Variants in TAFA5 observed in about 807,000 individuals in gnomAD.
TAFA5 encodes the protein chemokine-like protein TAFA-5.
Under a neutral mutation model 15.3 loss-of-function variants are expected in TAFA5, and 6 were observed. The ratio of observed to expected loss-of-function variants is 0.39; its 90% CI spans 0.21 to 0.77. TAFA5 has a LOEUF of 0.77. TAFA5 is among the 30% of genes least tolerant of loss of function. The pLI, the probability that TAFA5 is intolerant of heterozygous loss-of-function variation, is 0.41. For missense variants in TAFA5, 161 were observed against 193.1 expected (o/e 0.83, Z 0.98); for synonymous variants, 103 against 80.7 (o/e 1.28, Z -1.48).
chr22:48,618,503 G>A (rs1317101563), intron 1 of TAFA5, among the ~76,000 whole-genome samples: 1 of 152,228 alleles, frequency 6.6e-6, no homozygotes, highest in Non-Finnish European at 1.5e-5. Context: ...TTGGGTAACG[G>A]ATTGGCGTTG....
intron 1 of TAFA5, among the ~76,000 whole-genome samples, chr22:48,562,466 G>C (rs1923269880): frequency 6.6e-6 from 1 of 152,218 alleles, no homozygotes; most frequent in Admixed American, 6.5e-5. Flanking sequence ...AAATGGGAAG[G>C]GGGCACAGGA....
chr22:48,662,404 CAGGG>C (rs1448828967), intron 2 of TAFA5, among the ~76,000 whole-genome samples: 2 of 152,178 alleles, frequency 1.3e-5, no homozygotes, highest in Admixed American at 6.5e-5. Flanking sequence ...ACCATAAGTT[CAGGG>C]CAGCAAGAGG....
At chr22:48,536,332 G>A (rs904706532) in intron 1 of TAFA5, among the ~76,000 whole-genome samples, 4 of 152,206 alleles carry the variant, frequency 2.6e-5, no homozygotes, top group Non-Finnish European at 2.9e-5. Context: ...TCGGCAAGCC[G>A]GGAAACAAGT....
chr22:48,561,034 T>A (rs1923212687), intron 1 of TAFA5, among the ~76,000 whole-genome samples: 1 of 152,254 alleles, frequency 6.6e-6, no homozygotes, highest in Non-Finnish European at 1.5e-5. Flanking sequence ...TTTGTCTGGG[T>A]CTGGCTGTGG....
chr22:48,662,488 G>T (rs1352546022), intron 2 of TAFA5, among the ~76,000 whole-genome samples: 9 of 79,114 alleles, frequency 1.1e-4, no homozygotes, highest in Admixed American at 8.0e-4. Flanking sequence ...TGTGATGGGG[G>T]TGATTCAAGG....
chr22:48,495,416 C>T (rs1928291262), intron 1 of TAFA5, among the ~76,000 whole-genome samples: 2 of 152,240 alleles, frequency 1.3e-5, no homozygotes, highest in East Asian at 3.9e-4. Context: ...GGGCTAGGCC[C>T]CTGTGTTCTG....
intron 1 of TAFA5, among the ~76,000 whole-genome samples, chr22:48,581,373 T>C (rs1208667510): frequency 1.3e-5 from 2 of 152,186 alleles, no homozygotes; most frequent in Admixed American, 6.5e-5. Context: ...CTCGGGAGGA[T>C]TGGATTGCGG....
chr22:48,712,428 A>T (rs1929281250), intron 3 of TAFA5, among the ~76,000 whole-genome samples: 1 of 152,220 alleles, frequency 6.6e-6, no homozygotes, highest in East Asian at 1.9e-4. Flanking sequence ...ATAGATCATG[A>T]CCAGCATTTA....
At chr22:48,492,809 G>A (rs561199250) in intron 1 of TAFA5, among the ~76,000 whole-genome samples, 31 of 152,348 alleles carry the variant, frequency 2.0e-4, no homozygotes, top group South Asian at 1.0e-3. Flanking sequence ...TGACTTGCAT[G>A]ATGATGAGCT....
At chr22:48,704,659 G>GA (rs1466713299) in intron 2 of TAFA5, among the ~76,000 whole-genome samples, 1 of 151,912 alleles carries the variant, frequency 6.6e-6, no homozygotes, top group Non-Finnish European at 1.5e-5. Context: ...TAGTGGCAAG[G>GA]AGCACAGTTG....
intron 1 of TAFA5, among the ~76,000 whole-genome samples, chr22:48,542,727 G>A (rs1232762547): frequency 6.8e-6 from 1 of 147,590 alleles, no homozygotes; most frequent in East Asian, 2.0e-4. Context: ...TGTGTGTGTG[G>A]TGTGTATAGT....
intron 1 of TAFA5, among the ~76,000 whole-genome samples, chr22:48,585,916 G>A (rs554491801): frequency 6.2e-4 from 95 of 152,050 alleles, no homozygotes; most frequent in Non-Finnish European, 5.9e-5. Context: ...ATAAACACAC[G>A]TTACACCCAT....
intron 1 of TAFA5, among the ~76,000 whole-genome samples, chr22:48,575,252 A>T (rs1422673705): frequency 6.6e-6 from 1 of 151,994 alleles, no homozygotes; most frequent in African/African-American, 2.4e-5. Context: ...ACCTAGGTGG[A>T]GCCCGACCCG....
chr22:48,569,039 G>T (rs956006486), intron 1 of TAFA5, among the ~76,000 whole-genome samples: 3 of 152,236 alleles, frequency 2.0e-5, no homozygotes, highest in Admixed American at 2.0e-4. Context: ...GGGCAGGGCC[G>T]GGCTGTGAGC....
At chr22:48,728,586 G>A (rs571654225) in intron 3 of TAFA5, among the ~76,000 whole-genome samples, 1 of 152,288 alleles carries the variant, frequency 6.6e-6, no homozygotes, top group East Asian at 1.9e-4. Flanking sequence ...TTGAGTTATT[G>A]ATATCCCATT....
At chr22:48,546,835 C>A (rs752435112) in intron 1 of TAFA5, 3 of 308,180 alleles carry the variant, frequency 9.7e-6, no homozygotes, top group Non-Finnish European at 1.9e-5. Context: ...GGAGGCTCCA[C>A]CCTCTCGTGC....
chr22:48,524,395 G>A (rs1921709863), intron 1 of TAFA5, among the ~76,000 whole-genome samples: 1 of 152,138 alleles, frequency 6.6e-6, no homozygotes, highest in Admixed American at 6.5e-5. Context: ...CATTCCCCAA[G>A]GCCACCCTGA....
intron 1 of TAFA5, among the ~76,000 whole-genome samples, chr22:48,614,531 C>T (rs1042769917): frequency 3.3e-5 from 5 of 152,176 alleles, no homozygotes; most frequent in Non-Finnish European, 5.9e-5. Context: ...AGGAGGACCC[C>T]GGGCAGGAGA....
At chr22:48,736,756 C>G (rs147036511) in intron 3 of TAFA5, among the ~76,000 whole-genome samples, 1 of 152,312 alleles carries the variant, frequency 6.6e-6, no homozygotes, top group Non-Finnish European at 1.5e-5. Flanking sequence ...CCTGTTGGAG[C>G]CCAGTGATGT....
Sources: gnomAD v4.1 joint callset for allele counts (sites outside exome capture counted in the v4.1 genomes callset) on GRCh38, gnomAD v4.1.1 for gene constraint, MANE v1.5 for transcripts, NCBI Gene and HGNC (gene_info 2026-07-23, HGNC 2026-07-21) for gene names.